NTM: variants seen among roughly 807,000 people sequenced by gnomAD.
NTM encodes the protein neurotrimin.
A neutral mutation model predicts 42.1 loss-of-function variants in NTM; 13 were observed. The observed-to-expected ratio is 0.31, with a 90% confidence interval of 0.20 to 0.49. NTM has a LOEUF of 0.49. Among genes scored for constraint, NTM ranks in the 20% least tolerant of loss-of-function variants. The pLI, the probability that NTM is intolerant of heterozygous loss-of-function variation, is 0.99. For synonymous variants in NTM, 187 were observed against 179.2 expected (o/e 1.04, Z -0.35); for missense variants, 373 against 452.8 (o/e 0.82, Z 1.60).
intron 2 of NTM, among the ~76,000 whole-genome samples, chr11:132,111,063 C>CAAAAAAAAAAAAAAAA (rs57458373): frequency 1.4e-4 from 5 of 35,464 alleles, no homozygotes; most frequent in Non-Finnish European, 2.3e-4. Context: ...GGCCCTATCT[C>CAAAAAAAAAAAAAAAA]AAAAAAAAAA....
At chr11:132,089,488 G>C (rs1447655009) in intron 2 of NTM, among the ~76,000 whole-genome samples, 2 of 152,212 alleles carry the variant, frequency 1.3e-5, no homozygotes, top group African/African-American at 4.8e-5. Flanking sequence ...AATTTGGTAA[G>C]CTGAACTAAT....
chr11:131,498,123 G>A (rs959100265), intron 1 of NTM, among the ~76,000 whole-genome samples: 2 of 113,238 alleles, frequency 1.8e-5, no homozygotes, highest in African/African-American at 1.0e-4. Flanking sequence ...TTGCCTTGCT[G>A]ATAAACTTTT....
At position 131,913,266 on chromosome 11, in the gene NTM, G is replaced by A. The variant is rs4517530; in HGVS notation, c.167+1618G>A. On this transcript the variant is annotated intron_variant, in intron 2 of 8. Transcript: ENST00000683400. ...GATGCCCTCTTTGTCCCTAGTCCTT[G>A]GCTGCAAGGAGGGCCTCCCAGGGAC... is the stretch of plus-strand genomic sequence containing the variant. 2.2e-3 allele frequency among the ~76,000 whole-genome samples: 329 copies of A among 152,302 alleles called. 1 individual carries two copies. The highest frequency in any genetic ancestry group is 7.6e-3 in the African/African-American group (316 of 41,560).
intron 2 of NTM, among the ~76,000 whole-genome samples, chr11:131,917,184 C>T (rs12808402): frequency 0.1 from 15,673 of 152,228 alleles, 883 homozygotes; most frequent in East Asian, 0.2. Flanking sequence ...CAGTGTCTGG[C>T]GGATAGAAGG....
chr11:131,894,975 G>T (rs190665264), intron 1 of NTM, among the ~76,000 whole-genome samples: 173 of 152,276 alleles, frequency 1.1e-3, no homozygotes, highest in Non-Finnish European at 2.1e-3. Flanking sequence ...CAAGGCTGGC[G>T]CTGTGCCAAG....
chr11:131,637,276 C>T (rs1031035625), intron 1 of NTM, among the ~76,000 whole-genome samples: 7 of 151,938 alleles, frequency 4.6e-5, no homozygotes, highest in African/African-American at 1.7e-4. Flanking sequence ...GCCAGAGTCA[C>T]CCTCTGTAGA....
chr11:132,278,813 G>A (rs1029465953), intron 4 of NTM, among the ~76,000 whole-genome samples: 9 of 143,254 alleles, frequency 6.3e-5, no homozygotes, highest in African/African-American at 2.3e-4. Context: ...TAATCTCCAG[G>A]GTGGCTCTGA....
At chr11:131,505,016 C>G (rs2047312830) in intron 1 of NTM, among the ~76,000 whole-genome samples, 1 of 152,118 alleles carries the variant, frequency 6.6e-6, no homozygotes, top group Admixed American at 6.5e-5. Context: ...GGGTGCTGCT[C>G]TATACCACAG....
At chr11:131,384,351 G>A (rs985404675) in intron 1 of NTM, among the ~76,000 whole-genome samples, 38 of 152,158 alleles carry the variant, frequency 2.5e-4, no homozygotes, top group African/African-American at 9.2e-4. Context: ...GGCCATCAAG[G>A]CCAAATGGTG....
At chr11:132,270,277 G>A (rs2139676616) in intron 4 of NTM, among the ~76,000 whole-genome samples, 1 of 152,198 alleles carries the variant, frequency 6.6e-6, no homozygotes, top group South Asian at 2.1e-4. Flanking sequence ...GTTTGCCCAG[G>A]TTGGAGTGCA....
chr11:132,285,698 G>A (rs758831580), intron 4 of NTM, among the ~76,000 whole-genome samples: 2 of 152,302 alleles, frequency 1.3e-5, no homozygotes, highest in African/African-American at 2.4e-5. Flanking sequence ...GGACACACAA[G>A]AGATCATTTA....
At chr11:132,111,063 C>CAAAAAAAAAA (rs57458373) in intron 2 of NTM, among the ~76,000 whole-genome samples, 8 of 35,466 alleles carry the variant, frequency 2.3e-4, no homozygotes, top group East Asian at 1.8e-3. Flanking sequence ...GGCCCTATCT[C>CAAAAAAAAAA]AAAAAAAAAA....
chr11:131,560,380 C>T (rs1204791530), intron 1 of NTM, among the ~76,000 whole-genome samples: 4 of 152,150 alleles, frequency 2.6e-5, no homozygotes, highest in Admixed American at 1.3e-4. Context: ...TATACAAGGT[C>T]GTAGCCAGAA....
intron 1 of NTM, among the ~76,000 whole-genome samples, chr11:131,420,156 G>T (rs1193294341): frequency 6.6e-6 from 1 of 152,218 alleles, no homozygotes; most frequent in African/African-American, 2.4e-5. Flanking sequence ...CGCCTATGGA[G>T]AAAGGAACTT....
intron 3 of NTM, among the ~76,000 whole-genome samples, chr11:132,159,968 C>G (rs2073962760): frequency 6.6e-6 from 1 of 152,206 alleles, no homozygotes; most frequent in Admixed American, 6.5e-5. Context: ...TGGCTTTCAT[C>G]TCCCTGAGCT....
At chr11:131,626,645 T>G (rs1393808868) in intron 1 of NTM, among the ~76,000 whole-genome samples, 3 of 152,174 alleles carry the variant, frequency 2.0e-5, no homozygotes, top group African/African-American at 7.2e-5. Flanking sequence ...AGGCATTAAT[T>G]TGAAGACATT....
chr11:131,456,124 A>G (rs892114817), intron 1 of NTM, among the ~76,000 whole-genome samples: 1 of 152,204 alleles, frequency 6.6e-6, no homozygotes, highest in Non-Finnish European at 1.5e-5. Context: ...TAGCGTTCCA[A>G]TAGTGGAGCA....
At chr11:131,771,552 T>C (rs1404751100) in intron 1 of NTM, 1 of 152,068 alleles carries the variant, frequency 6.6e-6, no homozygotes, top group African/African-American at 2.4e-5. Context: ...TATTTTAGAG[T>C]CAGAAATTTT....
intron 4 of NTM, among the ~76,000 whole-genome samples, chr11:132,215,068 C>T (rs1417858217): frequency 6.6e-6 from 1 of 152,172 alleles, no homozygotes; most frequent in Non-Finnish European, 1.5e-5. Context: ...TCATCTTTCC[C>T]CAGTAGTATT....
Sources: gnomAD v4.1 joint callset for allele counts (sites outside exome capture counted in the v4.1 genomes callset) on GRCh38, gnomAD v4.1.1 for gene constraint, MANE v1.5 for transcripts, NCBI Gene and HGNC (gene_info 2026-07-23, HGNC 2026-07-21) for gene names.